TRIM44: variants seen among roughly 807,000 people sequenced by gnomAD.
TRIM44 encodes the protein tripartite motif-containing protein 44.
Under a neutral mutation model 37.4 loss-of-function variants are expected in TRIM44, and 13 were observed. The ratio of observed to expected loss-of-function variants is 0.35; its 90% confidence interval spans 0.23 to 0.55. The LOEUF (loss-of-function observed/expected upper bound fraction) is 0.55, where lower values mean the gene tolerates loss of function less well. Among genes scored for constraint, TRIM44 ranks in the 20% least tolerant of loss-of-function variants. TRIM44 has a pLI of 0.89. For synonymous variants in TRIM44, 175 were observed against 157.2 expected (o/e 1.11, Z -0.85); for missense variants, 426 against 437.2 (o/e 0.97, Z 0.23).
At chr11:35,694,691 T>A (rs1008351088) in intron 2 of TRIM44, among the ~76,000 whole-genome samples, 3 of 152,068 alleles carry the variant, frequency 2.0e-5, no homozygotes, top group Non-Finnish European at 4.4e-5. Flanking sequence ...CTTACCTGGT[T>A]AGCTTTACCC....
In TRIM44 at chr11:35,662,921, G is replaced by A. The variant is rs576513162; in HGVS notation, c.-191G>A. ...CAGAGCGGAGCAGGCCGAGCCGGCGGAAAGGGTCTTTGCTGCTGCGCCCGG... is the reference window on the plus strand; with the variant it reads ...CAGAGCGGAGCAGGCCGAGCCGGCGAAAAGGGTCTTTGCTGCTGCGCCCGG... On this transcript the variant is annotated 5_prime_UTR_variant, in exon 1 of 5. Transcript: ENST00000299413. 5.0e-4 allele frequency: 477 copies of A among 962,662 alleles called. 3 individuals are homozygous for A. In the African/African-American group the frequency reaches 7.4e-3, roughly 15 times the overall value. The allele number at this position is 962,662 out of a possible 1,614,324, so 59.6% of individuals were successfully genotyped here.
Position 35,814,105 on chromosome 11 carries a change from T to C in TRIM44, c.*7720T>C, listed in dbSNP as rs1046862906. 1.3e-5 allele frequency: 2 copies of C among 152,230 alleles called. No individual in the cohort carries two copies. Among genetic ancestry groups the C allele is most frequent in the African/African-American group, 4.8e-5 (2 of 41,460 alleles). The allele number at this position is 152,230 out of a possible 1,614,324, so 9.4% of individuals were successfully genotyped here. ...TAAGCCCCTGTCGATTGCCCATTTATTTTAGGCAATAGTCATTCAACAAAA... is the reference window on the plus strand; with the variant it reads ...TAAGCCCCTGTCGATTGCCCATTTACTTTAGGCAATAGTCATTCAACAAAA... On this transcript the variant is annotated 3_prime_UTR_variant, in exon 5 of 5. Coordinates refer to ENST00000299413, the MANE Select transcript of TRIM44 (RefSeq NM_017583.6).
At chr11:35,689,398 C>T (rs550332885) in intron 2 of TRIM44, among the ~76,000 whole-genome samples, 15 of 152,264 alleles carry the variant, frequency 9.9e-5, no homozygotes, top group African/African-American at 2.2e-4. Context: ...CCCTCTATAT[C>T]GTGGAAGAAG....
At chr11:35,701,683 G>A (rs116829676) in intron 2 of TRIM44, among the ~76,000 whole-genome samples, 1,943 of 152,238 alleles carry the variant, frequency 0.013, 47 homozygotes, top group African/African-American at 0.044. Flanking sequence ...TCCTAGGCAC[G>A]CATTTTATCC....
At chr11:35,785,738 T>TCAGA (rs1467856742) in intron 4 of TRIM44, among the ~76,000 whole-genome samples, 5 of 152,230 alleles carry the variant, frequency 3.3e-5, no homozygotes, top group African/African-American at 1.2e-4. Flanking sequence ...AAATGTGCCT[T>TCAGA]CAGGGGCCTA....
At chr11:35,717,647 G>T (rs1852054203) in intron 2 of TRIM44, among the ~76,000 whole-genome samples, 1 of 152,166 alleles carries the variant, frequency 6.6e-6, no homozygotes. Context: ...TATCTGGGCA[G>T]TAGGCAAAGT....
At chr11:35,713,494 A>G (rs1852003947) in intron 2 of TRIM44, among the ~76,000 whole-genome samples, 3 of 141,278 alleles carry the variant, frequency 2.1e-5, no homozygotes, top group African/African-American at 5.3e-5. Context: ...TACATTGAAT[A>G]TGACATGCTT....
chr11:35,684,104 G>A (rs1164163443), intron 1 of TRIM44, among the ~76,000 whole-genome samples: 2 of 152,134 alleles, frequency 1.3e-5, no homozygotes, highest in African/African-American at 2.4e-5. Context: ...CACAGCTAGT[G>A]TGTGACTAAT....
At chr11:35,715,696 C>CT (rs985454886) in intron 2 of TRIM44, among the ~76,000 whole-genome samples, 3 of 152,040 alleles carry the variant, frequency 2.0e-5, no homozygotes, top group Admixed American at 2.0e-4. Flanking sequence ...CTACCTGAGA[C>CT]TGGGTAATTT....
chr11:35,709,518 G>A (rs758715430), intron 2 of TRIM44, among the ~76,000 whole-genome samples: 2 of 152,178 alleles, frequency 1.3e-5, no homozygotes, highest in African/African-American at 2.4e-5. Context: ...CCAGTCAGAT[G>A]TAAGAGGCCT....
At chr11:35,699,954 A>G (rs1301538496) in intron 2 of TRIM44, among the ~76,000 whole-genome samples, 1 of 152,176 alleles carries the variant, frequency 6.6e-6, no homozygotes, top group African/African-American at 2.4e-5. Context: ...AAAAGAGGAT[A>G]CAAAGAAATG....
At chr11:35,782,656 A>G (rs143096582) in intron 4 of TRIM44, among the ~76,000 whole-genome samples, 59 of 152,262 alleles carry the variant, frequency 3.9e-4, no homozygotes, top group Admixed American at 1.6e-3. Context: ...CCATGTCTCT[A>G]TTAATCAGGA....
At chr11:35,774,735 C>T (rs897255489) in intron 4 of TRIM44, among the ~76,000 whole-genome samples, 2 of 152,136 alleles carry the variant, frequency 1.3e-5, no homozygotes, top group Non-Finnish European at 2.9e-5. Flanking sequence ...ATCCTTTCCC[C>T]ATTGCTTGTT....
chr11:35,789,063 G>T (rs1853166791), intron 4 of TRIM44, among the ~76,000 whole-genome samples: 1 of 152,084 alleles, frequency 6.6e-6, no homozygotes, highest in African/African-American at 2.4e-5. Flanking sequence ...ACTCTCAAAA[G>T]AATTCTCTCA....
At chr11:35,718,295 A>G (rs1168057733) in intron 2 of TRIM44, among the ~76,000 whole-genome samples, 2 of 152,052 alleles carry the variant, frequency 1.3e-5, no homozygotes, top group Non-Finnish European at 2.9e-5. Context: ...CCCCACCCCC[A>G]GATCTTCTCT....
rs1852598106 is a variant in TRIM44 at position 35,754,319 on chromosome 11, G to A, written c.1007+18874G>A. ...CTTGCAGGATGCAGGGAAACATTCT[G>A]GATGTAGTACAAAATGGATAGCCAG... On this transcript the variant is annotated intron_variant, in intron 4 of 4. Coordinates refer to ENST00000299413, the MANE Select transcript of TRIM44 (RefSeq NM_017583.6). Among the ~76,000 whole-genome samples the A allele has an allele frequency of 2.0e-5, 3 of 152,080 alleles. No individual in the cohort carries two copies. In the South Asian group the frequency reaches 6.2e-4, roughly 31 times the overall value.
chr11:35,754,879 C>T (rs1207422175), intron 4 of TRIM44, among the ~76,000 whole-genome samples: 2 of 152,050 alleles, frequency 1.3e-5, no homozygotes, highest in African/African-American at 2.4e-5. Flanking sequence ...GTATATGTGC[C>T]ACATTTTCTT....
chr11:35,681,368 C>T (rs1481499635), intron 1 of TRIM44, among the ~76,000 whole-genome samples: 1 of 152,184 alleles, frequency 6.6e-6, no homozygotes, highest in Non-Finnish European at 1.5e-5. Flanking sequence ...TTTATTATGA[C>T]TCATCCCTAG....
intron 4 of TRIM44, among the ~76,000 whole-genome samples, chr11:35,754,624 T>A (rs1179099224): frequency 6.6e-6 from 1 of 151,898 alleles, no homozygotes; most frequent in Admixed American, 6.6e-5. Context: ...CATTTAACAT[T>A]AGGTATATCT....
Sources: allele counts gnomAD v4.1 joint callset (sites outside exome capture counted in the v4.1 genomes callset), GRCh38; gene constraint gnomAD v4.1.1; transcripts MANE v1.5; gene names NCBI Gene and HGNC (gene_info 2026-07-23, HGNC 2026-07-21).